Variants in KLHL12 observed in about 807,000 individuals in gnomAD.
KLHL12 encodes kelch like family member 12, also known as kelch-like protein 12.
KLHL12 carries 17 observed loss-of-function variants against 60.8 expected under a neutral mutation model. The ratio of observed to expected loss-of-function variants is 0.28; its 90% confidence interval spans 0.19 to 0.42. The LOEUF (loss-of-function observed/expected upper bound fraction) is 0.42. Ranked by LOEUF, KLHL12 falls within the 10% of genes least tolerant of loss-of-function variation. The probability of loss-of-function intolerance (pLI) is 1.00; values close to 1 mark genes in which losing one functional copy is unlikely to be tolerated. For synonymous variants in KLHL12, 220 were observed against 250.9 expected (o/e 0.88, Z 1.16); for missense variants, 468 against 722.3 (o/e 0.65, Z 4.04).
intron 2 of KLHL12, among the ~76,000 whole-genome samples, chr1:202,920,703 T>C (rs549171437): frequency 6.6e-6 from 1 of 152,172 alleles, no homozygotes; most frequent in Admixed American, 6.5e-5. Flanking sequence ...ATAAAGCAAA[T>C]ATGGCACATT....
At position 202,891,851 on chromosome 1, in the gene KLHL12, G is replaced by C. The variant is rs1430102434; in HGVS notation, c.*682C>G. On this transcript the variant is annotated 3_prime_UTR_variant, in exon 12 of 12. Transcript: ENST00000367261. ...TAATATACCCTTCTCAGTCTTCCAG[G>C]TTATGTAATACTTCAGTGCTGTTCT... 1 of 152,090 alleles carries C rather than the reference G, an allele frequency of 6.6e-6. No homozygotes were observed. Among genetic ancestry groups the C allele is most frequent in the Non-Finnish European group, 1.5e-5 (1 of 68,028 alleles). The allele number at this position is 152,090 out of a possible 1,614,324, so 9.4% of individuals were successfully genotyped here. A position where few individuals can be genotyped will look rare whatever the true frequency, so the allele number is the denominator to read the frequency against.
At chr1:202,927,370 C>A (rs1225061466), upstream of KLHL12, 1 of 692,150 alleles carries the variant, frequency 1.4e-6, no homozygotes, top group East Asian at 1.4e-4. Flanking sequence ...CTGTACGCTG[C>A]TAGGAAGCCG....
chr1:202,910,882 TC>T (rs1024763715), intron 5 of KLHL12, among the ~76,000 whole-genome samples, 171 bp downstream of exon 5: 4 of 152,138 alleles, frequency 2.6e-5, no homozygotes, highest in Non-Finnish European at 2.9e-5. Context: ...GCCAAGAAAT[TC>T]GCTTTTCTTA....
At chr1:202,921,077 C>T (rs1284377798) in intron 2 of KLHL12, among the ~76,000 whole-genome samples, 3 of 152,024 alleles carry the variant, frequency 2.0e-5, no homozygotes, top group African/African-American at 7.2e-5. Context: ...GTGGTGTGAT[C>T]TCAGCTCACT....
rs1486387395 is a variant in KLHL12 at position 202,909,857 on chromosome 1, T to C, written c.718-733A>G. Among the ~76,000 whole-genome samples, 6 of 152,354 alleles carry C rather than the reference T, an allele frequency of 3.9e-5. No individual in the cohort carries two copies. Among genetic ancestry groups the C allele is most frequent in the Non-Finnish European group, 8.8e-5 (6 of 68,028 alleles). The stretch of plus-strand genomic sequence containing the variant: ...AGGCTTAGGGGTTGTTAATAGCTTA[T>C]GTCCTAGATCCAGGTTATTTCACTG... On this transcript the variant is annotated intron_variant, in intron 5 of 11. Coordinates refer to ENST00000367261, the MANE Select transcript of KLHL12 (RefSeq NM_021633.4). This position sits in a 1 kb window ranked among gnomAD's most constrained non-coding sequence, Gnocchi z 4.1.
At chr1:202,918,424 G>C (rs1196378285) in intron 3 of KLHL12, 36 bp from the exon 4 acceptor site, 1 of 1,486,932 alleles carries the variant, frequency 6.7e-7, no homozygotes, top group South Asian at 1.1e-5. Context: ...CTTTAGAATA[G>C]TTGGACAGGT....
chr1:202,927,644 C>T (rs1238325762), upstream of KLHL12, among the ~76,000 whole-genome samples: 2 of 138,468 alleles, frequency 1.4e-5, no homozygotes, highest in Non-Finnish European at 3.1e-5. Flanking sequence ...CGCCACTGCA[C>T]TCCAGCCTGG....
intron 3 of KLHL12, among the ~76,000 whole-genome samples, chr1:202,918,773 GAAAGA>G (rs1223899697): frequency 6.6e-6 from 1 of 152,200 alleles, no homozygotes; most frequent in African/African-American, 2.4e-5. Flanking sequence ...AGACTAGAGT[GAAAGA>G]AAAGGAGAAG....
intron 3 of KLHL12, among the ~76,000 whole-genome samples, chr1:202,918,853 T>C (rs1660601641): frequency 6.6e-6 from 1 of 152,260 alleles, no homozygotes; most frequent in African/African-American, 2.4e-5. Flanking sequence ...GTTATGGCTA[T>C]GCACTAATGC....
rs532145573 is a variant in KLHL12 at position 202,918,491 on chromosome 1, C to A, written c.350-103G>T. 21 of 871,182 alleles carry A rather than the reference C, an allele frequency of 2.4e-5. No homozygotes were observed. In the African/African-American group the frequency reaches 3.5e-4, roughly 15 times the overall value. The allele number at this position is 871,182 out of a possible 1,614,324, so 54.0% of individuals were successfully genotyped here. A position where few individuals can be genotyped will look rare whatever the true frequency, so the allele number is the denominator to read the frequency against. ...TCTTCTCTACATGTTATCAGATGAA[C>A]CCTTGTTTCAACACCTAAGAAACAG... On this transcript the variant is annotated intron_variant, in intron 3 of 11. Coordinates refer to ENST00000367261, the MANE Select transcript of KLHL12 (RefSeq NM_021633.4).
At chr1:202,923,147 TC>T in intron 2 of KLHL12, among the ~76,000 whole-genome samples, 1 of 151,732 alleles carries the variant, frequency 6.6e-6, no homozygotes. Flanking sequence ...TTGCCTGATG[TC>T]AGTTTTTAAA....
Position 202,911,069 on chromosome 1 carries a change from A to T in KLHL12, c.702T>A (p.Asp234Glu). 1 of 1,614,114 alleles carries T rather than the reference A, an allele frequency of 6.2e-7. No homozygotes were observed. The highest frequency in any genetic ancestry group is 8.5e-7 in the Non-Finnish European group (1 of 1,179,984). ...MPLLTPRYIT[D>E]VIDAEPFIRC... ...CACTACTTACCTCAGCATCTATTAC[A>T]TCTGTGATATACCTGGGGGTTAGTA... The change falls in exon 5 of 12, where the codon GAT becomes GAA. Residue 234 changes from aspartate to glutamate, a missense_variant. Asp to Glu is a conservative substitution (Grantham distance 45). This residue lies in a region of KLHL12 where 339 missense variants were observed against 525.0 expected (regional missense o/e 0.65). Coordinates refer to ENST00000367261, the MANE Select transcript of KLHL12 (RefSeq NM_021633.4).
At chr1:202,902,228 G>A (rs1235786495) in intron 6 of KLHL12, among the ~76,000 whole-genome samples, 1 of 152,092 alleles carries the variant, frequency 6.6e-6, no homozygotes, top group South Asian at 2.1e-4. Context: ...TCAGGAGTTC[G>A]AGACCAGCCT....
rs1172464625 is a variant in KLHL12, at chr1:202,891,171, ACT to A, written c.*1360_*1361del. The A allele has an allele frequency of 2.0e-5, 3 of 152,598 alleles. No homozygotes were observed. Among genetic ancestry groups the A allele is most frequent in the Non-Finnish European group, 4.4e-5 (3 of 68,036 alleles). The allele number at this position is 152,598 out of a possible 1,614,324, so 9.5% of individuals were successfully genotyped here. A position where few individuals can be genotyped will look rare whatever the true frequency, so the allele number is the denominator to read the frequency against. ...TCTTAAAAAAATACAAAGGAAATTAACTCTGTAGGTCAATACAACTCAGGGAA... is the reference window on the plus strand; with the variant it reads ...TCTTAAAAAAATACAAAGGAAATTAACTGTAGGTCAATACAACTCAGGGAA... On this transcript the variant is annotated 3_prime_UTR_variant, in exon 12 of 12. Transcript: ENST00000367261.
intron 5 of KLHL12, among the ~76,000 whole-genome samples, chr1:202,910,012 T>C (rs980224633): frequency 4.6e-5 from 7 of 152,184 alleles, no homozygotes; most frequent in Non-Finnish European, 1.0e-4. Context: ...CAGCTCTAAT[T>C]AAATGGCACC....
intron 10 of KLHL12, 81 bp downstream of exon 10, chr1:202,894,103 G>A (rs1012660199): frequency 4.3e-5 from 32 of 744,236 alleles, no homozygotes; most frequent in Admixed American, 1.7e-4. Flanking sequence ...ATTAATCTAC[G>A]GTTTGTCCCA....
intron 7 of KLHL12, 52 bp downstream of exon 7, chr1:202,896,802 A>G (rs1659847022): frequency 2.3e-6 from 3 of 1,325,442 alleles, no homozygotes; most frequent in South Asian, 2.3e-5. Flanking sequence ...CTGGAGGCAG[A>G]GACTGAGGAC....
At chr1:202,926,933 G>A (rs975972298) in intron 1 of KLHL12, among the ~76,000 whole-genome samples, 156 bp downstream of exon 1, 1 of 152,178 alleles carries the variant, frequency 6.6e-6, no homozygotes, top group African/African-American at 2.4e-5. Flanking sequence ...GGGTGACCGA[G>A]GCCAGATGCC....
At chr1:202,903,460 GT>G (rs11404714) in intron 6 of KLHL12, among the ~76,000 whole-genome samples, 6 of 132,556 alleles carry the variant, frequency 4.5e-5, no homozygotes, top group African/African-American at 1.7e-4. Flanking sequence ...ATGCATTCTT[GT>G]TTTTTTTTTC....
Sources: gnomAD v4.1 joint callset for allele counts (sites outside exome capture counted in the v4.1 genomes callset) on GRCh38, gnomAD v4.1.1 for gene constraint, gnomAD v4.1.1 regional missense constraint, Gnocchi (gnomAD v3.1) non-coding constraint, MANE v1.5 for transcripts, NCBI Gene and HGNC (gene_info 2026-07-23, HGNC 2026-07-21) for gene names.